The following FRMD4B variants were observed in gnomAD, a reference collection of about 807,000 sequenced individuals.
FRMD4B encodes FERM domain-containing protein 4B.
A neutral mutation model predicts 141.5 loss-of-function variants in FRMD4B; 74 were observed. The ratio of observed to expected loss-of-function variants is 0.52; its 90% CI spans 0.43 to 0.63. The LOEUF (loss-of-function observed/expected upper bound fraction) is 0.63, where lower values mean the gene tolerates loss of function less well. Among genes scored for constraint, FRMD4B ranks in the 30% least tolerant of loss-of-function variants. The probability of loss-of-function intolerance (pLI) is 0.00; values close to 1 mark genes in which losing one functional copy is unlikely to be tolerated. For synonymous variants in FRMD4B, 506 were observed against 467.9 expected (o/e 1.08, Z -1.05); for missense variants, 1,366 against 1,253.4 (o/e 1.09, Z -1.36).
At chr3:69,313,640 A>C in intron 1 of FRMD4B, 123 bp from the exon 2 acceptor site, 2 of 640,138 alleles carry the variant, frequency 3.1e-6, no homozygotes, top group South Asian at 3.8e-5. Flanking sequence ...AGTTGAGTTA[A>C]TAAACAGGCT....
chr3:69,500,825 G>A (rs1364600737), intron 1 of FRMD4B, among the ~76,000 whole-genome samples: 2 of 152,140 alleles, frequency 1.3e-5, no homozygotes, highest in Admixed American at 1.3e-4. Context: ...GAGGGAGGAA[G>A]TAGAAAAGGG....
At chr3:69,369,293 T>G (rs1021008141) in intron 1 of FRMD4B, among the ~76,000 whole-genome samples, 8 of 152,212 alleles carry the variant, frequency 5.3e-5, no homozygotes, top group African/African-American at 1.7e-4. Context: ...TGCACACATA[T>G]TTATTTCTTC....
intron 5 of FRMD4B, among the ~76,000 whole-genome samples, chr3:69,262,459 C>CTTTT (rs71618271): frequency 8.1e-5 from 7 of 86,852 alleles, no homozygotes; most frequent in South Asian, 4.8e-4. Flanking sequence ...ACACAAATGA[C>CTTTT]TTTTTTTTTT....
rs564202528 is a variant in FRMD4B, at chr3:69,522,565, C to T, written c.-129+19641G>A. On this transcript the variant is annotated intron_variant, in intron 1 of 5. Transcript: ENST00000459638. ...GAAGTGGAGTTTGGTGAGTATTGGG[C>T]CATGTGATAGCCTATTCCATCAGGC... 3.3e-5 allele frequency among the ~76,000 whole-genome samples: 5 copies of T among 152,208 alleles called. No homozygotes were observed. The South Asian group carries it at 1.0e-3, about 32-fold the overall frequency.
At chr3:69,244,944 A>G (rs1386634483) in intron 7 of FRMD4B, among the ~76,000 whole-genome samples, 1 of 152,226 alleles carries the variant, frequency 6.6e-6, no homozygotes, top group Admixed American at 6.5e-5. Context: ...AAGCTAATAT[A>G]AATAAGGCCA....
At chr3:69,313,861 C>T (rs1382106655) in intron 1 of FRMD4B, among the ~76,000 whole-genome samples, 3 of 150,838 alleles carry the variant, frequency 2.0e-5, no homozygotes, top group Non-Finnish European at 2.9e-5. Flanking sequence ...AAAAAAAGGC[C>T]GGGCGCGGTG....
chr3:69,385,086 C>A (rs941447110), intron 1 of FRMD4B, among the ~76,000 whole-genome samples: 19 of 151,072 alleles, frequency 1.3e-4, no homozygotes, highest in African/African-American at 4.4e-4. Context: ...AAAAAGAAAT[C>A]CAGGCAAACT....
At chr3:69,327,614 G>T (rs767801349) in intron 1 of FRMD4B, among the ~76,000 whole-genome samples, 1 of 152,166 alleles carries the variant, frequency 6.6e-6, no homozygotes, top group Non-Finnish European at 1.5e-5. Context: ...TGTGACTCAT[G>T]TATAGGTAGA....
chr3:69,416,281 T>A (rs757552002), intron 2 of FRMD4B, among the ~76,000 whole-genome samples: 4 of 152,156 alleles, frequency 2.6e-5, no homozygotes, highest in Non-Finnish European at 5.9e-5. Flanking sequence ...TATTAAAAAT[T>A]TTTTTGTAGA....
At chr3:69,485,360 C>G (rs1706197747) in intron 1 of FRMD4B, among the ~76,000 whole-genome samples, 1 of 152,210 alleles carries the variant, frequency 6.6e-6, no homozygotes, top group African/African-American at 2.4e-5. Context: ...GGATCTACAG[C>G]CCCAGCTTGC....
chr3:69,502,557 T>C (rs1287253958), intron 1 of FRMD4B, among the ~76,000 whole-genome samples: 1 of 152,132 alleles, frequency 6.6e-6, no homozygotes, highest in African/African-American at 2.4e-5. Flanking sequence ...ACTTAAATGT[T>C]AGAACTAAAA....
intron 1 of FRMD4B, among the ~76,000 whole-genome samples, chr3:69,318,301 A>G (rs1164222610): frequency 6.6e-6 from 1 of 152,234 alleles, no homozygotes; most frequent in East Asian, 1.9e-4. Context: ...AACTAAAAGC[A>G]TCTTTATAAG....
intron 3 of FRMD4B, chr3:69,310,437 A>G (rs1165415690): frequency 2.2e-6 from 1 of 456,372 alleles, no homozygotes; most frequent in African/African-American, 2.0e-5. Context: ...ACATTTAAGG[A>G]GCTCTTTGGA....
At chr3:69,406,841 C>T (rs894347243) in intron 2 of FRMD4B, among the ~76,000 whole-genome samples, 3 of 152,150 alleles carry the variant, frequency 2.0e-5, no homozygotes, top group Admixed American at 6.5e-5. Flanking sequence ...AAGCACTCCT[C>T]CTGCCTCAGC....
Position 69,490,044 on chromosome 3 carries a change from G to A in FRMD4B, c.-129+52162C>T, listed in dbSNP as rs114495831. 3.6e-3 allele frequency among the ~76,000 whole-genome samples: 550 copies of A among 152,260 alleles called. 2 individuals are homozygous for A. Among genetic ancestry groups the A allele is most frequent in the Middle Eastern group, 0.01 (3 of 294 alleles). On this transcript the variant is annotated intron_variant, in intron 1 of 5. Transcript: ENST00000459638. ...CAATCCAGGGAGATAGAACGTGGACGAATGGCTGTCTAGGGCTGGGGTAGC... is the reference window on the plus strand; with the variant it reads ...CAATCCAGGGAGATAGAACGTGGACAAATGGCTGTCTAGGGCTGGGGTAGC...
At chr3:69,196,459 T>A in intron 13 of FRMD4B, 63 bp from the exon 14 acceptor site, 1 of 1,238,842 alleles carries the variant, frequency 8.1e-7, no homozygotes, top group Non-Finnish European at 1.2e-6. Context: ...ATGAAACAAT[T>A]AAGTTAACAT....
At chr3:69,189,261 A>C (rs1471298109) in intron 18 of FRMD4B, among the ~76,000 whole-genome samples, 3 of 151,480 alleles carry the variant, frequency 2.0e-5, no homozygotes, top group Non-Finnish European at 4.4e-5. Context: ...GAGAGAGACA[A>C]GAAATGTATT....
intron 4 of FRMD4B, among the ~76,000 whole-genome samples, chr3:69,288,271 T>C (rs1036920268): frequency 6.6e-6 from 1 of 151,060 alleles, no homozygotes; most frequent in Non-Finnish European, 1.5e-5. Flanking sequence ...GGCTCGGGGG[T>C]TTTTAGACGG....
At chr3:69,390,584 C>T (rs1286323612), upstream of FRMD4B, among the ~76,000 whole-genome samples, 1 of 152,022 alleles carries the variant, frequency 6.6e-6, no homozygotes, top group Non-Finnish European at 1.5e-5. Flanking sequence ...GGTCAGAGAA[C>T]CCTGGTCTAA....
Sources: gnomAD v4.1 joint callset for allele counts (sites outside exome capture counted in the v4.1 genomes callset) on GRCh38, gnomAD v4.1.1 for gene constraint, MANE v1.5 for transcripts, NCBI Gene and HGNC (gene_info 2026-07-23, HGNC 2026-07-21) for gene names.